The following IGSF21 variants were observed in gnomAD, a reference collection of about 807,000 sequenced individuals.
The protein encoded by IGSF21 is immunoglobin superfamily member 21, also known as immunoglobulin superfamily member 21.
IGSF21 carries 28 observed loss-of-function variants against 46.8 expected under a neutral mutation model. The observed-to-expected ratio is 0.60, with a 90% CI of 0.44 to 0.82. The LOEUF (loss-of-function observed/expected upper bound fraction) is 0.82, where lower values mean the gene tolerates loss of function less well. Among genes scored for constraint, IGSF21 ranks in the 40% least tolerant of loss-of-function variants. The pLI, the probability that IGSF21 is intolerant of heterozygous loss-of-function variation, is 0.00. For synonymous variants in IGSF21, 284 were observed against 273.6 expected (o/e 1.04, Z -0.38); for missense variants, 624 against 665.5 (o/e 0.94, Z 0.69).
chr1:18,267,366 T>TAAACAGGAAAACAGGAAA (rs2084999766), intron 2 of IGSF21, among the ~76,000 whole-genome samples: 2 of 152,250 alleles, frequency 1.3e-5, no homozygotes, highest in Non-Finnish European at 2.9e-5. Context: ...ATCAGGGTGC[T>TAAACAGGAAAACAGGAAA]CAGGAAAACA....
chr1:18,177,683 T>C (rs2086816159), intron 1 of IGSF21, among the ~76,000 whole-genome samples: 1 of 152,118 alleles, frequency 6.6e-6, no homozygotes, highest in Non-Finnish European at 1.5e-5. Context: ...TCATCCCCTC[T>C]CTCCACTTGA....
At chr1:18,330,544 G>A (rs879743884) in intron 3 of IGSF21, among the ~76,000 whole-genome samples, 10 of 150,486 alleles carry the variant, frequency 6.6e-5, no homozygotes, top group Non-Finnish European at 1.5e-4. Context: ...GGGAGACATG[G>A]CTGGAGGAAG....
Position 18,227,589 on chromosome 1 carries a change from A to T in IGSF21, c.71-309A>T, listed in dbSNP as rs114515920. 2.1e-3 allele frequency among the ~76,000 whole-genome samples: 323 copies of T among 151,828 alleles called. 2 individuals carry two copies. The highest frequency in any genetic ancestry group is 7.4e-3 in the African/African-American group (307 of 41,356). ...CATTGAGGCTGTTCTTGGAGGTGCC[A>T]GCAGGTCCTACCTTCAGGGAAAAAT... On this transcript the variant is annotated intron_variant, in intron 1 of 9. Transcript: ENST00000251296.
chr1:18,376,228 T>C, intron 6 of IGSF21, 82 bp from the exon 7 acceptor site: 1 of 943,488 alleles, frequency 1.1e-6, no homozygotes, highest in Non-Finnish European at 1.8e-6. Context: ...AGGATGTTGA[T>C]TGCTAGACTA....
Position 18,227,059 on chromosome 1 carries a change from G to C in IGSF21, c.71-839G>C, listed in dbSNP as rs76758757. ...AGCGTCTGCTCCAGGCACTCCCAGGGGCAGCTGGTAGTAGTCCGGGAAGCA... is the reference window on the plus strand; with the variant it reads ...AGCGTCTGCTCCAGGCACTCCCAGGCGCAGCTGGTAGTAGTCCGGGAAGCA... On this transcript the variant is annotated intron_variant, in intron 1 of 9. Transcript: ENST00000251296. Among the ~76,000 whole-genome samples, 14 of 152,304 alleles carry C rather than the reference G, an allele frequency of 9.2e-5. No individual in the cohort carries two copies. In the East Asian group the frequency reaches 2.7e-3, roughly 29 times the overall value.
Position 18,365,621 on chromosome 1 carries a change from C to G in IGSF21, c.939C>G (p.Ile313Met), listed in dbSNP as rs371464766. The G allele has an allele frequency of 5.6e-6, 9 of 1,614,078 alleles. No homozygotes were observed. Among genetic ancestry groups the G allele is most frequent in the African/African-American group, 4.0e-5 (3 of 74,916 alleles). Residue 313 changes from isoleucine to methionine, a missense_variant, in exon 6 of 10, where the codon ATC (isoleucine) becomes ATG (methionine). Physicochemically the swap from Ile to Met is conservative, Grantham distance 10. Transcript: ENST00000251296. The surrounding 1 kb of genome is among the most constrained non-coding windows in gnomAD (Gnocchi z 4.8). ...ALLTWTLNPQ[I>M]DNEALFSCEV... ...TCACCTGGACCCTCAACCCACAGAT[C>G]GACAACGAGGCCCTCTTCAGCTGCG... is the stretch of plus-strand genomic sequence containing the variant.
intron 1 of IGSF21, among the ~76,000 whole-genome samples, chr1:18,117,838 C>G (rs12741373): frequency 0.018 from 2,668 of 152,334 alleles, 36 homozygotes; most frequent in East Asian, 0.072. Flanking sequence ...TGCACTGTCT[C>G]CTCTCTCCCC....
Position 18,289,683 on chromosome 1 carries a change from C to T in IGSF21, c.184-2183C>T, listed in dbSNP as rs775753782. 7.4e-4 allele frequency among the ~76,000 whole-genome samples: 113 copies of T among 152,250 alleles called. No individual in the cohort carries two copies. In the Middle Eastern group the frequency reaches 0.031, roughly 41 times the overall value. On this transcript the variant is annotated intron_variant, in intron 2 of 9. Coordinates refer to ENST00000251296, the MANE Select transcript of IGSF21 (RefSeq NM_032880.5). The stretch of plus-strand genomic sequence containing the variant: ...TCTTGGGAGGGGGGCAAGGGGCTGT[C>T]CTGGACATAGTGGAATGGTCAGCAG...
chr1:18,375,849 G>A (rs1338692597), intron 6 of IGSF21: 1 of 184,406 alleles, frequency 5.4e-6, no homozygotes, highest in Non-Finnish European at 1.2e-5. Flanking sequence ...ACCTCCCAAG[G>A]GGGTAGCGTG....
intron 1 of IGSF21, among the ~76,000 whole-genome samples, chr1:18,204,940 G>A (rs1002721723): frequency 3.9e-5 from 6 of 152,074 alleles, no homozygotes; most frequent in South Asian, 2.1e-4. Context: ...CTCCCTTTTC[G>A]TTTTTTGTTT....
At chr1:18,371,497 G>A (rs1477656954) in intron 6 of IGSF21, among the ~76,000 whole-genome samples, 3 of 151,986 alleles carry the variant, frequency 2.0e-5, no homozygotes, top group African/African-American at 4.8e-5. Flanking sequence ...CCTTGAACCT[G>A]GGAGGTGGAG....
At chr1:18,261,616 G>A (rs1342650836) in intron 2 of IGSF21, among the ~76,000 whole-genome samples, 1 of 152,244 alleles carries the variant, frequency 6.6e-6, no homozygotes, top group Non-Finnish European at 1.5e-5. Flanking sequence ...ATGACTCTCG[G>A]TGCACTGCCT....
At chr1:18,283,363 T>C (rs1266053917) in intron 2 of IGSF21, among the ~76,000 whole-genome samples, 1 of 152,166 alleles carries the variant, frequency 6.6e-6, no homozygotes, top group Non-Finnish European at 1.5e-5. Context: ...ATGAGGATTT[T>C]CTGCCTCTTC....
chr1:18,349,612 TATC>T (rs1178294594), intron 4 of IGSF21, among the ~76,000 whole-genome samples: 1 of 152,108 alleles, frequency 6.6e-6, no homozygotes, highest in Non-Finnish European at 1.5e-5. Flanking sequence ...GGGAGTAACA[TATC>T]ATCCATCACA....
At chr1:18,368,924 G>C (rs1428388253) in intron 6 of IGSF21, among the ~76,000 whole-genome samples, 2 of 152,186 alleles carry the variant, frequency 1.3e-5, no homozygotes, top group Non-Finnish European at 2.9e-5. Flanking sequence ...CTGCTGGCCT[G>C]TGTGACCCCT....
rs2086160740 is a variant in IGSF21 at position 18,365,872 on chromosome 1, T to C, written c.1015+175T>C. ...AGGTTCTTAGGGAGGTTTGCTGAGC[T>C]GGATTGGAGAAGATGGGAGGTACCC... is the stretch of plus-strand genomic sequence containing the variant. On this transcript the variant is annotated intron_variant, in intron 6 of 9. Coordinates refer to ENST00000251296, the MANE Select transcript of IGSF21 (RefSeq NM_032880.5). The surrounding 1 kb of genome is among the most constrained non-coding windows in gnomAD (Gnocchi z 4.8). Among the ~76,000 whole-genome samples the C allele has an allele frequency of 6.6e-6, 1 of 152,062 alleles. No homozygotes were observed. Among genetic ancestry groups the C allele is most frequent in the Non-Finnish European group, 1.5e-5 (1 of 68,032 alleles).
chr1:18,135,915 C>T (rs1048615309), intron 1 of IGSF21, among the ~76,000 whole-genome samples: 12 of 152,178 alleles, frequency 7.9e-5, no homozygotes, highest in Admixed American at 7.2e-4. Context: ...ACATCCTCTC[C>T]AGCACCTGTT....
chr1:18,317,840 T>C lies in IGSF21; in HGVS notation c.306-17052T>C, dbSNP rs568873986. ...GCCTTCTGTGTATTATCTCATTTAATCCTCTCAACAACCCATGAGAAAAGT... is the reference window on the plus strand; with the variant it reads ...GCCTTCTGTGTATTATCTCATTTAACCCTCTCAACAACCCATGAGAAAAGT... On this transcript the variant is annotated intron_variant, in intron 3 of 9. Transcript: ENST00000251296. Among the ~76,000 whole-genome samples the C allele has an allele frequency of 2.6e-5, 4 of 152,302 alleles. No homozygotes were observed. The South Asian group carries it at 8.3e-4, about 32-fold the overall frequency.
chr1:18,197,023 T>A (rs1007795648), intron 1 of IGSF21, among the ~76,000 whole-genome samples: 1 of 152,204 alleles, frequency 6.6e-6, no homozygotes, highest in African/African-American at 2.4e-5. Flanking sequence ...CTGATGGTTA[T>A]CTGGCTTCGC....
Sources: allele counts gnomAD v4.1 joint callset (sites outside exome capture counted in the v4.1 genomes callset), GRCh38; gene constraint gnomAD v4.1.1; non-coding constraint Gnocchi (gnomAD v3.1); transcripts MANE v1.5; gene names NCBI Gene and HGNC (gene_info 2026-07-23, HGNC 2026-07-21).